The following PRIMA1 variants were observed in gnomAD, a reference collection of about 807,000 sequenced individuals.
PRIMA1 encodes the protein proline-rich membrane anchor 1.
A neutral mutation model predicts 17.5 loss-of-function variants in PRIMA1; 7 were observed. The ratio of observed to expected loss-of-function variants is 0.40; its 90% CI spans 0.23 to 0.75. PRIMA1 has a LOEUF of 0.75. Among genes scored for constraint, PRIMA1 ranks in the 30% least tolerant of loss-of-function variants. PRIMA1 has a pLI of 0.37. For synonymous variants in PRIMA1, 97 were observed against 77.9 expected (o/e 1.25, Z -1.29); for missense variants, 200 against 201.8 (o/e 0.99, Z 0.05).
chr14:93,725,331 C>T (rs2076068020), intron 4 of PRIMA1, among the ~76,000 whole-genome samples: 2 of 151,670 alleles, frequency 1.3e-5, no homozygotes. Context: ...CTGCTCCCCT[C>T]CTGCCACCGG....
intron 3 of PRIMA1, among the ~76,000 whole-genome samples, chr14:93,775,393 A>G (rs1885183869): frequency 1.3e-5 from 2 of 152,200 alleles, no homozygotes. Context: ...GTTGAGTGAG[A>G]GCTGAGGCTC....
intron 3 of PRIMA1, among the ~76,000 whole-genome samples, chr14:93,754,641 G>A (rs1489627354): frequency 6.6e-6 from 1 of 152,224 alleles, no homozygotes; most frequent in Non-Finnish European, 1.5e-5. Context: ...AGGGAGAAAT[G>A]TATATCATTT....
intron 4 of PRIMA1, among the ~76,000 whole-genome samples, chr14:93,723,811 G>A (rs1341892698): frequency 1.3e-5 from 2 of 152,192 alleles, no homozygotes; most frequent in African/African-American, 4.8e-5. Context: ...GCCCAAGGAC[G>A]CTCATCTGGT....
At chr14:93,776,455 C>T (rs1885224360) in intron 3 of PRIMA1, among the ~76,000 whole-genome samples, 1 of 152,188 alleles carries the variant, frequency 6.6e-6, no homozygotes, top group African/African-American at 2.4e-5. Flanking sequence ...AGCCCCCAGC[C>T]TGGTTTCAGG....
chr14:93,746,486 G>A (rs1037289022), intron 3 of PRIMA1, among the ~76,000 whole-genome samples: 9 of 152,256 alleles, frequency 5.9e-5, no homozygotes, highest in Middle Eastern at 3.4e-3. Context: ...GGGCCTGGCA[G>A]TTCTGGGGAG....
intron 3 of PRIMA1, among the ~76,000 whole-genome samples, chr14:93,747,744 A>C (rs981804986): frequency 4.1e-5 from 6 of 145,830 alleles, no homozygotes; most frequent in Non-Finnish European, 7.5e-5. Context: ...GCGAGTGGGA[A>C]GTGTGTGGAG....
intron 3 of PRIMA1, among the ~76,000 whole-genome samples, chr14:93,743,858 A>G (rs2076199355): frequency 6.6e-6 from 1 of 152,214 alleles, no homozygotes; most frequent in African/African-American, 2.4e-5. Flanking sequence ...ACTGTCCAGA[A>G]TGTCACGGAA....
intron 3 of PRIMA1, among the ~76,000 whole-genome samples, chr14:93,763,715 G>A (rs1439862096): frequency 6.6e-6 from 1 of 152,086 alleles, no homozygotes; most frequent in Non-Finnish European, 1.5e-5. Context: ...CCTTCCCTTG[G>A]CTCACAAGGT....
At chr14:93,728,638 G>T (rs1015932045) in intron 4 of PRIMA1, among the ~76,000 whole-genome samples, 1 of 152,156 alleles carries the variant, frequency 6.6e-6, no homozygotes, top group Non-Finnish European at 1.5e-5. Flanking sequence ...CCTTGACCCA[G>T]CATGTCTGGA....
chr14:93,726,153 G>C lies in PRIMA1; in HGVS notation c.360-4607C>G, dbSNP rs971852710. 1 of 432,374 alleles carries C rather than the reference G, an allele frequency of 2.3e-6. No individual in the cohort carries two copies. The highest frequency in any genetic ancestry group is 4.6e-6 in the Non-Finnish European group (1 of 215,084). 26.8% of individuals were successfully genotyped at this position (432,374 alleles called of 1,614,324 possible). A position where few individuals can be genotyped will look rare whatever the true frequency, so the allele number is the denominator to read the frequency against. On this transcript the variant is annotated intron_variant, in intron 4 of 4. Transcript: ENST00000393140. The surrounding 1 kb of genome is among the most constrained non-coding windows in gnomAD (Gnocchi z 4.2). ...CAGGCTCCCACATTCCCTGCTCGGA[G>C]TGCCGCGCGGACAGCTCCAGCCGCA...
rs1566981026 is a variant in PRIMA1, at chr14:93,787,734, C to G, written c.-16G>C. The G allele has an allele frequency of 4.5e-6, 7 of 1,541,558 alleles. No individual in the cohort carries two copies. The highest frequency in any genetic ancestry group is 3.5e-6 in the Non-Finnish European group (4 of 1,146,400). ...GGAGGAGCATCTCGGCCAGCGGCGC[C>G]CGCTCCTGGGGCGAACTGTCAGGAG... is the stretch of plus-strand genomic sequence containing the variant. On this transcript the variant is annotated 5_prime_UTR_variant, in exon 2 of 5. Transcript: ENST00000393140.
chr14:93,731,281 G>GTGGAAGTATGTTGT (rs1416821700), intron 4 of PRIMA1, among the ~76,000 whole-genome samples: 3 of 105,496 alleles, frequency 2.8e-5, no homozygotes, highest in South Asian at 2.9e-4. Flanking sequence ...AAAGTAAATA[G>GTGGAAGTATGTTGT]ATGGTGCTTA....
At chr14:93,739,134 C>A (rs777085608) in intron 3 of PRIMA1, among the ~76,000 whole-genome samples, 1 of 151,984 alleles carries the variant, frequency 6.6e-6, no homozygotes, top group Non-Finnish European at 1.5e-5. Flanking sequence ...CTCACCACAA[C>A]CTCTGCCTCC....
intron 3 of PRIMA1, among the ~76,000 whole-genome samples, chr14:93,769,584 G>A (rs1343819650): frequency 6.6e-6 from 1 of 152,230 alleles, no homozygotes; most frequent in Non-Finnish European, 1.5e-5. Context: ...GTCCAGCCAA[G>A]GGCTAGGGCA....
At chr14:93,749,876 TA>T (rs1283679828) in intron 3 of PRIMA1, among the ~76,000 whole-genome samples, 2 of 151,800 alleles carry the variant, frequency 1.3e-5, no homozygotes, top group African/African-American at 2.4e-5. Flanking sequence ...GACAGAAAGT[TA>T]AAAAATTAGC....
intron 4 of PRIMA1, among the ~76,000 whole-genome samples, chr14:93,735,937 C>A (rs1013228494): frequency 1.4e-4 from 21 of 152,302 alleles, no homozygotes; most frequent in African/African-American, 5.1e-4. Context: ...GATCCACCCG[C>A]CTCCACCTCC....
intron 3 of PRIMA1, among the ~76,000 whole-genome samples, chr14:93,742,190 G>C (rs2076188325): frequency 6.6e-6 from 1 of 152,228 alleles, no homozygotes; most frequent in Non-Finnish European, 1.5e-5. Flanking sequence ...GGCAACCAAA[G>C]ACACTGATTT....
chr14:93,735,613 G>A (rs959040832), intron 4 of PRIMA1, among the ~76,000 whole-genome samples: 14 of 152,158 alleles, frequency 9.2e-5, no homozygotes, highest in East Asian at 3.9e-4. Context: ...CACAAAGAAG[G>A]TGCCTACAAA....
chr14:93,769,083 C>T (rs1400309713), intron 3 of PRIMA1, among the ~76,000 whole-genome samples: 2 of 151,904 alleles, frequency 1.3e-5, no homozygotes, highest in Non-Finnish European at 2.9e-5. Context: ...ATCTCAAACT[C>T]ATCTGGAGAT....
Sources: gnomAD v4.1 joint callset for allele counts (sites outside exome capture counted in the v4.1 genomes callset) on GRCh38, gnomAD v4.1.1 for gene constraint, Gnocchi (gnomAD v3.1) non-coding constraint, MANE v1.5 for transcripts, NCBI Gene and HGNC (gene_info 2026-07-23, HGNC 2026-07-21) for gene names.